TRAPPC11: variants seen among roughly 807,000 people sequenced by gnomAD.
TRAPPC11 encodes foie gras homolog.
A neutral mutation model predicts 151.2 loss-of-function variants in TRAPPC11; 104 were observed. That is an observed-to-expected ratio of 0.69 (90% confidence interval 0.59 to 0.81). The LOEUF is 0.81. Ranked by LOEUF, TRAPPC11 falls within the 30% of genes least tolerant of loss-of-function variation. The pLI is 0.00. For missense variants in TRAPPC11, 1,230 were observed against 1,349.6 expected (o/e 0.91, Z 1.39); for synonymous variants, 456 against 472.3 (o/e 0.97, Z 0.45).
At chr4:183,673,253 G>A (rs180675539) in intron 5 of TRAPPC11, among the ~76,000 whole-genome samples, 38 of 152,160 alleles carry the variant, frequency 2.5e-4, no homozygotes, top group Non-Finnish European at 4.9e-4. Flanking sequence ...CACTGTGCCC[G>A]GCCCCCATTT....
In TRAPPC11 at chr4:183,663,919, G is replaced by A. The variant is rs1381615148; in HGVS notation, c.52G>A (p.Ala18Thr). 6.2e-7 allele frequency: 1 copy of A among 1,614,136 alleles called. No individual in the cohort carries two copies. The highest frequency in any genetic ancestry group is 2.2e-5 in the East Asian group (1 of 44,878). ...TGTGGAATTATGTTGCCGGCCTATG[G>A]CCTTTGTTACTCTAACGGGCCTGGA... ...FPVELCCRPM[A>T]FVTLTGLDVV... Residue 18 changes from alanine (A) to threonine (T), a missense_variant, in exon 2 of 30, where the codon GCC becomes ACC. By Grantham distance (58) the Ala-to-Thr change is moderately conservative (BLOSUM62 0). Coordinates refer to ENST00000334690, the MANE Select transcript of TRAPPC11 (RefSeq NM_021942.6).
At chr4:183,699,827 T>C (rs1467478914) in intron 25 of TRAPPC11, among the ~76,000 whole-genome samples, 1 of 151,814 alleles carries the variant, frequency 6.6e-6, no homozygotes, top group African/African-American at 2.4e-5. Flanking sequence ...ACCCTAATGT[T>C]AATTGGTTTT....
intron 5 of TRAPPC11, among the ~76,000 whole-genome samples, chr4:183,671,621 G>T (rs7657090): frequency 1.3e-5 from 2 of 151,946 alleles, no homozygotes; most frequent in Admixed American, 1.3e-4. Flanking sequence ...TACAAAATTC[G>T]GGAACACCCC....
chr4:183,686,163 G>T (rs1004959367), intron 17 of TRAPPC11, among the ~76,000 whole-genome samples: 1 of 151,892 alleles, frequency 6.6e-6, no homozygotes, highest in Non-Finnish European at 1.5e-5. Context: ...TTGAGATAGA[G>T]CCTTGCTCTG....
chr4:183,686,575 G>T lies in TRAPPC11; in HGVS notation c.1763-43G>T, dbSNP rs376609562. ...TTAACAGGATGTGTGTGGGTCGTGG[G>T]TATCTGGTTGTGCATAACACAGCCC... On this transcript the variant is annotated intron_variant, in intron 17 of 29. Transcript: ENST00000334690. The T allele has an allele frequency of 2.5e-6, 4 of 1,605,730 alleles. No homozygotes were observed. The South Asian group carries it at 3.3e-5, about 13-fold the overall frequency.
Position 183,697,406 on chromosome 4 carries a change from G to A in TRAPPC11, c.2629-97G>A. 3 of 1,089,558 alleles carry A rather than the reference G, an allele frequency of 2.8e-6. No homozygotes were observed. In the South Asian group the frequency reaches 4.4e-5, roughly 16 times the overall value. 67.5% of individuals were successfully genotyped at this position (1,089,558 alleles called of 1,614,324 possible). A position where few individuals can be genotyped will look rare whatever the true frequency, so the allele number is the denominator to read the frequency against. Reference sequence around the variant, plus strand: ...CTTTACTTCTTAGTATGTATAATTTGGGATTATTTATTGATCAGTGATAGG... The same window carrying A: ...CTTTACTTCTTAGTATGTATAATTTAGGATTATTTATTGATCAGTGATAGG... On this transcript the variant is annotated intron_variant, in intron 23 of 29. Transcript: ENST00000334690.
chr4:183,698,482 T>C (rs1312156909), intron 25 of TRAPPC11, among the ~76,000 whole-genome samples: 1 of 152,206 alleles, frequency 6.6e-6, no homozygotes, highest in African/African-American at 2.4e-5. Flanking sequence ...TTGGGAATAA[T>C]GAGCTTTAGG....
intron 29 of TRAPPC11, among the ~76,000 whole-genome samples, chr4:183,711,447 T>G (rs1737335713): frequency 6.6e-6 from 1 of 152,240 alleles, no homozygotes; most frequent in Non-Finnish European, 1.5e-5. Context: ...ACTCATTTTT[T>G]GCTCTTGCTT....
Position 183,684,851 on chromosome 4 carries a change from T to A in TRAPPC11, c.1567+10T>A. Reference sequence around the variant, plus strand: ...GAACTCCTTGGTAGAGGTAACCTGATGTTTTTTGAGTAAAATTCTTGATAC... The same window carrying A: ...GAACTCCTTGGTAGAGGTAACCTGAAGTTTTTTGAGTAAAATTCTTGATAC... On this transcript the variant is annotated intron_variant, in intron 15 of 29. Transcript: ENST00000334690. The A allele has an allele frequency of 6.2e-7, 1 of 1,604,586 alleles. No individual in the cohort carries two copies. Among genetic ancestry groups the A allele is most frequent in the Non-Finnish European group, 8.5e-7 (1 of 1,176,750 alleles).
rs770891745 is a variant in TRAPPC11, at chr4:183,674,817, G to A, written c.660+5G>A. On this transcript the variant is annotated splice_donor_5th_base_variant and intron_variant, in intron 6 of 29. Coordinates refer to ENST00000334690, the MANE Select transcript of TRAPPC11 (RefSeq NM_021942.6). Reference sequence around the variant, plus strand: ...TTGAATAAAACAACACACCAGGTGCGTGATTTTTTGCAATAATAGAAGCAT... The same window carrying A: ...TTGAATAAAACAACACACCAGGTGCATGATTTTTTGCAATAATAGAAGCAT... 2.5e-5 allele frequency: 38 copies of A among 1,543,708 alleles called. No homozygotes were observed. Among genetic ancestry groups the A allele is most frequent in the Non-Finnish European group, 3.0e-5 (34 of 1,135,500 alleles).
chr4:183,662,162 A>G (rs1243591621), intron 1 of TRAPPC11, among the ~76,000 whole-genome samples: 2 of 152,110 alleles, frequency 1.3e-5, no homozygotes, highest in African/African-American at 2.4e-5. Flanking sequence ...GATCAAGACC[A>G]TCCTGGCCAA....
chr4:183,663,294 C>T (rs762630677), intron 1 of TRAPPC11, among the ~76,000 whole-genome samples: 6 of 152,020 alleles, frequency 3.9e-5, no homozygotes, highest in East Asian at 1.9e-4. Context: ...AGTGCAGTGG[C>T]GCCATCTTGG....
At chr4:183,692,443 G>A (rs1215223098) in intron 19 of TRAPPC11, among the ~76,000 whole-genome samples, 1 of 151,254 alleles carries the variant, frequency 6.6e-6, no homozygotes, top group Non-Finnish European at 1.5e-5. Flanking sequence ...GGTACCTAAG[G>A]GAACCTACCA....
At chr4:183,661,429 T>TGG (rs1561021131) in intron 1 of TRAPPC11, among the ~76,000 whole-genome samples, 1 of 137,008 alleles carries the variant, frequency 7.3e-6, no homozygotes, top group Non-Finnish European at 1.5e-5. Flanking sequence ...TGGAGTGCAG[T>TGG]GGCGCGATCT....
At chr4:183,670,681 C>T (rs1735108800) in intron 5 of TRAPPC11, among the ~76,000 whole-genome samples, 1 of 152,198 alleles carries the variant, frequency 6.6e-6, no homozygotes, top group South Asian at 2.1e-4. Flanking sequence ...TCTCGGCTCA[C>T]TGCAACCTCT....
intron 17 of TRAPPC11, among the ~76,000 whole-genome samples, chr4:183,686,379 C>T (rs946764460): frequency 9.2e-5 from 14 of 152,184 alleles, no homozygotes; most frequent in African/African-American, 2.7e-4. Flanking sequence ...TCAAGTGATC[C>T]GCCTGGCTTG....
At chr4:183,670,351 A>C (rs1735092441) in intron 5 of TRAPPC11, among the ~76,000 whole-genome samples, 1 of 152,246 alleles carries the variant, frequency 6.6e-6, no homozygotes, top group South Asian at 2.1e-4. Flanking sequence ...GGAGTTGTCC[A>C]AGTTAATGAT....
At position 183,659,310 on chromosome 4, in the gene TRAPPC11, G is replaced by A. The variant is rs941886477; in HGVS notation, c.-159G>A. 2.5e-5 allele frequency: 6 copies of A among 244,674 alleles called. No individual in the cohort carries two copies. Among genetic ancestry groups the A allele is most frequent in the African/African-American group, 6.7e-5 (3 of 44,758 alleles). The allele number at this position is 244,674 out of a possible 1,614,324, so 15.2% of individuals were successfully genotyped here. On this transcript the variant is annotated 5_prime_UTR_variant, in exon 1 of 30. Transcript: ENST00000334690. ...GGGGAGGTGGGTACAGGGAAGTCTCGCCTGTTGGAACTGGCTGTGGGGCTG... is the reference window on the plus strand; with the variant it reads ...GGGGAGGTGGGTACAGGGAAGTCTCACCTGTTGGAACTGGCTGTGGGGCTG...
In TRAPPC11 at chr4:183,701,772, G is replaced by GA; in HGVS notation, c.2928dup (p.Val977SerfsTer63). 6.2e-7 allele frequency: 1 copy of GA among 1,613,866 alleles called. No homozygotes were observed. The highest frequency in any genetic ancestry group is 8.5e-7 in the Non-Finnish European group (1 of 1,179,810). On this transcript the variant is annotated frameshift_variant, in exon 26 of 30. Coordinates refer to ENST00000334690, the MANE Select transcript of TRAPPC11 (RefSeq NM_021942.6). LOFTEE classifies it high-confidence loss of function. ...CCATCTCTTGGAAATATTGAAGGTG[G>GA]AGTAGCAACCGGGCATTATATTATC...
Sources: allele counts gnomAD v4.1 joint callset (sites outside exome capture counted in the v4.1 genomes callset), GRCh38; gene constraint gnomAD v4.1.1; transcripts MANE v1.5; gene names NCBI Gene and HGNC (gene_info 2026-07-23, HGNC 2026-07-21).